The following ATP8A2 variants were observed in gnomAD, a reference collection of about 807,000 sequenced individuals.
ATP8A2 encodes phospholipid-transporting ATPase IB.
ATP8A2 carries 100 observed loss-of-function variants against 165.6 expected under a neutral mutation model. The observed-to-expected ratio is 0.60, with a 90% CI of 0.51 to 0.71. ATP8A2 has a LOEUF of 0.71. Among genes scored for constraint, ATP8A2 ranks in the 30% least tolerant of loss-of-function variants. The pLI is 0.00. For missense variants in ATP8A2, 1,227 were observed against 1,479.5 expected, an observed-to-expected ratio of 0.83 and a Z score of 2.80; for synonymous variants, 543 against 548.8, an observed-to-expected ratio of 0.99 and a Z score of 0.15.
intron 33 of ATP8A2, among the ~76,000 whole-genome samples, chr13:25,927,527 G>T (rs932486086): frequency 6.6e-6 from 1 of 152,210 alleles, no homozygotes; most frequent in Admixed American, 6.5e-5. Flanking sequence ...GTATGTTGTA[G>T]TTAGATGAGT....
chr13:25,813,671 C>T (rs966302621), intron 27 of ATP8A2, among the ~76,000 whole-genome samples: 1 of 151,572 alleles, frequency 6.6e-6, no homozygotes, highest in African/African-American at 2.4e-5. Context: ...AGGTTCTAGC[C>T]ATGTGTCCCC....
chr13:25,537,089 A>C (rs1172274887), intron 6 of ATP8A2, among the ~76,000 whole-genome samples: 1 of 152,208 alleles, frequency 6.6e-6, no homozygotes, highest in East Asian at 1.9e-4. Context: ...AAGGATTGGT[A>C]GACACTTCGC....
intron 1 of ATP8A2, among the ~76,000 whole-genome samples, chr13:25,411,935 C>T (rs116474209): frequency 6.6e-6 from 1 of 152,204 alleles, no homozygotes; most frequent in Non-Finnish European, 1.5e-5. Context: ...AAACTCTTCT[C>T]CTCCTAAAAC....
intron 2 of ATP8A2, among the ~76,000 whole-genome samples, chr13:25,525,326 G>A (rs2037809037): frequency 6.6e-6 from 1 of 152,106 alleles, no homozygotes; most frequent in Non-Finnish European, 1.5e-5. Flanking sequence ...CTAGAGTTAT[G>A]AGTGGATTGC....
intron 25 of ATP8A2, among the ~76,000 whole-genome samples, chr13:25,713,624 C>T (rs531893344): frequency 7.9e-5 from 12 of 152,190 alleles, no homozygotes; most frequent in South Asian, 2.1e-4. Flanking sequence ...TTTTCTGAGG[C>T]GATTCTAGTC....
intron 25 of ATP8A2, among the ~76,000 whole-genome samples, chr13:25,700,831 A>G (rs1349229522): frequency 1.3e-5 from 2 of 152,082 alleles, no homozygotes; most frequent in African/African-American, 4.8e-5. Flanking sequence ...GCAATATGTG[A>G]TTGTTTCAGT....
Position 25,577,594 on chromosome 13 carries a change from C to T in ATP8A2, c.1782+456C>T, listed in dbSNP as rs2039654729. 2.6e-5 allele frequency among the ~76,000 whole-genome samples: 4 copies of T among 152,002 alleles called. No homozygotes were observed. In the South Asian group the frequency reaches 8.3e-4, roughly 32 times the overall value. On this transcript the variant is annotated intron_variant, in intron 20 of 36. Coordinates refer to ENST00000381655, the MANE Select transcript of ATP8A2 (RefSeq NM_016529.6). ...CGTGTTTTAGGTACAAAGGCAATGTCCATGTGTAGCTGCATTATTACTGCC... is the reference window on the plus strand; with the variant it reads ...CGTGTTTTAGGTACAAAGGCAATGTTCATGTGTAGCTGCATTATTACTGCC...
intron 4 of ATP8A2, among the ~76,000 whole-genome samples, chr13:25,531,245 T>TTATATATGTTATATATGA (rs2038044316): frequency 5.5e-5 from 5 of 90,500 alleles, no homozygotes; most frequent in African/African-American, 2.1e-4. Context: ...GATATATATG[T>TTATATATGTTATATATGA]TATATATGAT....
At chr13:25,771,247 G>A (rs2044613096) in intron 26 of ATP8A2, among the ~76,000 whole-genome samples, 1 of 152,182 alleles carries the variant, frequency 6.6e-6, no homozygotes, top group East Asian at 1.9e-4. Context: ...AAGCATCTTG[G>A]GGTCAGAAAA....
chr13:25,531,753 C>A (rs956863387), intron 4 of ATP8A2, among the ~76,000 whole-genome samples: 4 of 152,050 alleles, frequency 2.6e-5, no homozygotes, highest in Non-Finnish European at 4.4e-5. Flanking sequence ...TATGAAGTTA[C>A]CTTCAGGTTA....
chr13:25,891,350 T>C (rs569481969), intron 33 of ATP8A2, among the ~76,000 whole-genome samples: 2 of 151,910 alleles, frequency 1.3e-5, no homozygotes, highest in Non-Finnish European at 2.9e-5. Context: ...TGAGACACAG[T>C]CTCGCTCTGT....
chr13:25,462,164 T>C (rs1002744857), intron 1 of ATP8A2, among the ~76,000 whole-genome samples: 1 of 152,242 alleles, frequency 6.6e-6, no homozygotes, highest in Admixed American at 6.5e-5. Context: ...GTTTCCCTTT[T>C]GGCTCTATCG....
intron 1 of ATP8A2, among the ~76,000 whole-genome samples, chr13:25,402,203 T>C (rs533984211): frequency 3.9e-5 from 6 of 152,306 alleles, no homozygotes; most frequent in Admixed American, 1.3e-4. Context: ...GGTGCGAGAT[T>C]TCATCATGCC....
intron 33 of ATP8A2, among the ~76,000 whole-genome samples, chr13:25,915,945 A>G (rs1166809547): frequency 2.6e-5 from 4 of 152,212 alleles, no homozygotes; most frequent in Non-Finnish European, 5.9e-5. Context: ...AACATGAAAC[A>G]TTTACCAAGA....
At chr13:25,880,755 C>T (rs1952957906) in intron 33 of ATP8A2, among the ~76,000 whole-genome samples, 1 of 152,154 alleles carries the variant, frequency 6.6e-6, no homozygotes, top group East Asian at 1.9e-4. Flanking sequence ...TTCATGCCCC[C>T]AAAGCTATTC....
At chr13:25,753,584 T>A (rs922515138) in intron 25 of ATP8A2, among the ~76,000 whole-genome samples, 7 of 152,204 alleles carry the variant, frequency 4.6e-5, no homozygotes, top group African/African-American at 9.6e-5. Flanking sequence ...ACAGCAAACA[T>A]GGTGCTGGTA....
chr13:25,981,212 T>C (rs538416911), intron 35 of ATP8A2, among the ~76,000 whole-genome samples: 1 of 152,342 alleles, frequency 6.6e-6, no homozygotes, highest in East Asian at 1.9e-4. Context: ...TTTTTGTTCT[T>C]GATTATATTT....
chr13:25,599,862 T>C (rs1045996699), intron 24 of ATP8A2, among the ~76,000 whole-genome samples: 9 of 152,182 alleles, frequency 5.9e-5, no homozygotes, highest in Non-Finnish European at 1.3e-4. Flanking sequence ...AGGTCATCAG[T>C]GCCTTCAAAC....
intron 25 of ATP8A2, among the ~76,000 whole-genome samples, chr13:25,758,981 A>G (rs932017730): frequency 6.6e-5 from 10 of 152,066 alleles, no homozygotes; most frequent in African/African-American, 2.4e-4. Context: ...ATTAAGAAAG[A>G]GAGAGAAAGA....
Sources: allele counts gnomAD v4.1 joint callset (sites outside exome capture counted in the v4.1 genomes callset), GRCh38; gene constraint gnomAD v4.1.1; transcripts MANE v1.5; gene names NCBI Gene and HGNC (gene_info 2026-07-23, HGNC 2026-07-21).